Variants in KCNH5 observed in about 807,000 individuals in gnomAD.
The protein encoded by KCNH5 is voltage-gated delayed rectifier potassium channel KCNH5.
A neutral mutation model predicts 96.1 loss-of-function variants in KCNH5; 46 were observed. That is an observed-to-expected ratio of 0.48 (90% CI 0.38 to 0.61). The LOEUF is 0.61. KCNH5 is among the 20% of genes least tolerant of loss of function. The pLI, the probability that KCNH5 is intolerant of heterozygous loss-of-function variation, is 0.00. For synonymous variants in KCNH5, 439 were observed against 449.8 expected, an observed-to-expected ratio of 0.98 and a Z score of 0.30; for missense variants, 907 against 1,225.8, an observed-to-expected ratio of 0.74 and a Z score of 3.88.
At chr14:62,997,497 A>G (rs1385965337) in intron 4 of KCNH5, among the ~76,000 whole-genome samples, 1 of 152,094 alleles carries the variant, frequency 6.6e-6, no homozygotes, top group African/African-American at 2.4e-5. Context: ...TGTGAATTAC[A>G]TTTTTATATG....
At chr14:62,708,585 G>GA (rs369059709) in intron 10 of KCNH5, 130 bp from the exon 11 acceptor site, 329 of 558,928 alleles carry the variant, frequency 5.9e-4, no homozygotes, top group Middle Eastern at 1.5e-3. Context: ...TATTTCTCAA[G>GA]AAAAAAAAAT....
chr14:62,763,656 G>A (rs186224124), intron 10 of KCNH5, among the ~76,000 whole-genome samples: 2 of 152,150 alleles, frequency 1.3e-5, no homozygotes, highest in Admixed American at 1.3e-4. Context: ...ACAAAAAAAA[G>A]TGAGGGGAAG....
chr14:62,815,398 TTATAA>T (rs1325099936), intron 8 of KCNH5, among the ~76,000 whole-genome samples: 1 of 152,146 alleles, frequency 6.6e-6, no homozygotes, highest in East Asian at 1.9e-4. Context: ...AACTATTTAT[TTATAA>T]TATAATTTGT....
At chr14:62,998,649 G>A (rs1442372828) in intron 4 of KCNH5, among the ~76,000 whole-genome samples, 1 of 151,944 alleles carries the variant, frequency 6.6e-6, no homozygotes, top group Non-Finnish European at 1.5e-5. Flanking sequence ...TTGATAAATT[G>A]TATTTTCATT....
intron 1 of KCNH5, among the ~76,000 whole-genome samples, chr14:63,032,312 T>C (rs1008419715): frequency 5.3e-5 from 8 of 151,864 alleles, no homozygotes; most frequent in Admixed American, 2.0e-4. Context: ...CAGGCAAGAC[T>C]ACAAACCCAG....
chr14:62,962,684 T>A (rs2139544930), intron 6 of KCNH5, among the ~76,000 whole-genome samples: 1 of 152,292 alleles, frequency 6.6e-6, no homozygotes, highest in African/African-American at 2.4e-5. Flanking sequence ...TATGGAAAGT[T>A]GCTGAAGTGT....
At chr14:62,818,976 A>T (rs1056323811) in intron 8 of KCNH5, among the ~76,000 whole-genome samples, 30 of 151,868 alleles carry the variant, frequency 2.0e-4, no homozygotes, top group African/African-American at 7.0e-4. Flanking sequence ...TTATCTATTT[A>T]TTTTTTTTGA....
intron 10 of KCNH5, chr14:62,712,684 C>T: frequency 2.6e-6 from 2 of 778,920 alleles, no homozygotes; most frequent in Non-Finnish European, 4.8e-6. Flanking sequence ...AGCAGGTCAC[C>T]CTTCACAGAG....
At chr14:62,722,107 T>C (rs1884828727) in intron 10 of KCNH5, among the ~76,000 whole-genome samples, 1 of 152,202 alleles carries the variant, frequency 6.6e-6, no homozygotes, top group South Asian at 2.1e-4. Context: ...GTTGAATTTG[T>C]AGCACATCTA....
chr14:62,988,353 CAAT>C (rs1890748079), intron 4 of KCNH5, among the ~76,000 whole-genome samples: 1 of 151,650 alleles, frequency 6.6e-6, no homozygotes, highest in Non-Finnish European at 1.5e-5. Context: ...GGAATGATGA[CAAT>C]GATGAAATTT....
In KCNH5 at chr14:62,762,461, GCA is replaced by G. The variant is rs1161187646; in HGVS notation, c.2019+17265_2019+17266del. On this transcript the variant is annotated intron_variant, in intron 10 of 10. Coordinates refer to ENST00000322893, the MANE Select transcript of KCNH5 (RefSeq NM_139318.5). ...TCAGCAGACAAGCCCTCACCAACAG[GCA>G]CCCAGCAGCAGCCTCTCCACACAGC... is the stretch of plus-strand genomic sequence containing the variant. Among the ~76,000 whole-genome samples, 21 of 152,140 alleles carry G rather than the reference GCA, an allele frequency of 1.4e-4. 1 individual carries two copies. The highest frequency in any genetic ancestry group is 6.8e-3 in the Middle Eastern group (2 of 294).
intron 6 of KCNH5, among the ~76,000 whole-genome samples, chr14:62,976,352 G>A (rs1159716135): frequency 6.8e-6 from 1 of 147,044 alleles, no homozygotes; most frequent in Non-Finnish European, 1.5e-5. Context: ...GCAGTGAGCC[G>A]AGATCACGCC....
chr14:62,870,325 C>T (rs1298032735), intron 7 of KCNH5, among the ~76,000 whole-genome samples: 1 of 152,052 alleles, frequency 6.6e-6, no homozygotes, highest in Non-Finnish European at 1.5e-5. Context: ...AAGAATTTCT[C>T]CTAAAAATGG....
intron 1 of KCNH5, among the ~76,000 whole-genome samples, chr14:63,038,615 T>C (rs986544922): frequency 6.6e-6 from 1 of 152,044 alleles, no homozygotes; most frequent in East Asian, 1.9e-4. Flanking sequence ...ACCTAATATA[T>C]CACAAAACTA....
At position 63,026,829 on chromosome 14, in the gene KCNH5, T is replaced by A. The variant is rs1019767554; in HGVS notation, c.74-9875A>T. On this transcript the variant is annotated intron_variant, in intron 1 of 10. Coordinates refer to ENST00000322893, the MANE Select transcript of KCNH5 (RefSeq NM_139318.5). ...AAAAATTAAAAATAGAACCACCATA[T>A]GATTCAGCGATTCCACGACTCAGTA... Among the ~76,000 whole-genome samples the A allele has an allele frequency of 2.6e-5, 4 of 152,196 alleles. No homozygotes were observed. In the East Asian group the frequency reaches 7.7e-4, roughly 29 times the overall value.
intron 7 of KCNH5, among the ~76,000 whole-genome samples, chr14:62,854,004 C>CAAAA (rs548263620): frequency 4.3e-4 from 36 of 84,166 alleles, no homozygotes; most frequent in Non-Finnish European, 6.2e-4. Context: ...GAGACTCTGT[C>CAAAA]AAAAAAAAAA....
chr14:62,719,512 C>G (rs1041188917), intron 10 of KCNH5, among the ~76,000 whole-genome samples: 3 of 152,180 alleles, frequency 2.0e-5, no homozygotes, highest in Admixed American at 2.0e-4. Context: ...TGGGCAGCCC[C>G]CAGAATCACA....
At chr14:62,915,582 G>C (rs1889257651) in intron 7 of KCNH5, among the ~76,000 whole-genome samples, 1 of 152,198 alleles carries the variant, frequency 6.6e-6, no homozygotes, top group African/African-American at 2.4e-5. Flanking sequence ...ATTATTCTTT[G>C]AATCCTGATA....
intron 6 of KCNH5, among the ~76,000 whole-genome samples, chr14:62,975,120 C>T (rs1890476185): frequency 6.6e-6 from 1 of 152,088 alleles, no homozygotes; most frequent in South Asian, 2.1e-4. Context: ...AGTCTCAAAA[C>T]AAACATGTCC....
Sources: allele counts gnomAD v4.1 joint callset (sites outside exome capture counted in the v4.1 genomes callset), GRCh38; gene constraint gnomAD v4.1.1; transcripts MANE v1.5; gene names NCBI Gene and HGNC (gene_info 2026-07-23, HGNC 2026-07-21).